Variants in KCNB2 observed in about 807,000 individuals in gnomAD.
KCNB2 encodes delayed rectifier potassium channel protein.
A neutral mutation model predicts 61.5 loss-of-function variants in KCNB2; 15 were observed. The ratio of observed to expected loss-of-function variants is 0.24; its 90% CI spans 0.16 to 0.38. The LOEUF is 0.38. Ranked by LOEUF, KCNB2 falls within the 10% of genes least tolerant of loss-of-function variation. KCNB2 has a pLI of 1.00. For missense variants in KCNB2, 828 were observed against 1,125.2 expected (o/e 0.74, Z 3.78); for synonymous variants, 457 against 446.0 (o/e 1.02, Z -0.31).
chr8:72,871,426 A>ATATCAAAT (rs1298056440), intron 2 of KCNB2, among the ~76,000 whole-genome samples: 1 of 152,246 alleles, frequency 6.6e-6, no homozygotes, highest in Non-Finnish European at 1.5e-5. Context: ...CTAGAAAATA[A>ATATCAAAT]TATCAAATTT....
At chr8:72,593,900 A>AT (rs199834201) in intron 2 of KCNB2, among the ~76,000 whole-genome samples, 2,642 of 151,496 alleles carry the variant, frequency 0.017, 61 homozygotes, top group African/African-American at 0.061. Context: ...AGAACATTTG[A>AT]TTTTTTTTTC....
At chr8:72,715,529 A>G (rs1445062562) in intron 2 of KCNB2, among the ~76,000 whole-genome samples, 6 of 152,332 alleles carry the variant, frequency 3.9e-5, no homozygotes, top group Admixed American at 2.0e-4. Context: ...GCTCAACTAC[A>G]TGGAAACTGA....
At chr8:72,819,615 G>A (rs1409400390) in intron 2 of KCNB2, among the ~76,000 whole-genome samples, 1 of 152,146 alleles carries the variant, frequency 6.6e-6, no homozygotes, top group African/African-American at 2.4e-5. Flanking sequence ...AGGATGCTGA[G>A]AGAATTCTAT....
At chr8:72,682,952 C>T (rs976536730) in intron 2 of KCNB2, among the ~76,000 whole-genome samples, 1 of 152,156 alleles carries the variant, frequency 6.6e-6, no homozygotes, top group African/African-American at 2.4e-5. Context: ...GATAAAATAA[C>T]ATCATTGAGA....
intron 2 of KCNB2, among the ~76,000 whole-genome samples, chr8:72,736,852 T>A (rs2128994060): frequency 6.6e-6 from 1 of 152,256 alleles, no homozygotes; most frequent in Non-Finnish European, 1.5e-5. Context: ...GCTGAGAAAT[T>A]TAATATTATT....
At chr8:72,548,876 A>G (rs1332810217) in intron 1 of KCNB2, among the ~76,000 whole-genome samples, 1 of 152,182 alleles carries the variant, frequency 6.6e-6, no homozygotes, top group Non-Finnish European at 1.5e-5. Flanking sequence ...TTCATCTCAA[A>G]AATAGGCTTG....
intron 2 of KCNB2, among the ~76,000 whole-genome samples, chr8:72,713,311 A>T (rs995783042): frequency 2.0e-5 from 3 of 152,188 alleles, no homozygotes; most frequent in Non-Finnish European, 4.4e-5. Context: ...TGAAGAGAAT[A>T]GTGGTTCTCC....
intron 2 of KCNB2, among the ~76,000 whole-genome samples, chr8:72,578,769 G>GA (rs1182463169): frequency 4.6e-5 from 7 of 151,814 alleles, no homozygotes; most frequent in South Asian, 2.1e-4. Context: ...TATTATAATT[G>GA]AAAAAAAACT....
chr8:72,569,091 T>A (rs1036689065), intron 2 of KCNB2, among the ~76,000 whole-genome samples: 1 of 152,180 alleles, frequency 6.6e-6, no homozygotes, highest in African/African-American at 2.4e-5. Context: ...ATTCTGTTTG[T>A]CTAATTTTAT....
At chr8:72,708,431 T>C (rs1360950585) in intron 2 of KCNB2, among the ~76,000 whole-genome samples, 2 of 152,198 alleles carry the variant, frequency 1.3e-5, no homozygotes, top group Non-Finnish European at 2.9e-5. Flanking sequence ...AAATGACTTA[T>C]CCTAGTACAA....
At chr8:72,761,823 T>C (rs1808386231) in intron 2 of KCNB2, among the ~76,000 whole-genome samples, 2 of 152,178 alleles carry the variant, frequency 1.3e-5, no homozygotes, top group Admixed American at 1.3e-4. Flanking sequence ...TTCTAATATC[T>C]CCACTGCTGA....
intron 2 of KCNB2, chr8:72,619,366 C>T (rs924074016): frequency 9.2e-6 from 5 of 544,200 alleles, no homozygotes; most frequent in Non-Finnish European, 1.8e-5. Context: ...GATTTATATT[C>T]ACTTGCTTTC....
intron 2 of KCNB2, among the ~76,000 whole-genome samples, chr8:72,743,836 A>G (rs2253318): frequency 0.68 from 102,889 of 151,980 alleles, 35,693 homozygotes; most frequent in African/African-American, 0.82. Flanking sequence ...AATCCTACTA[A>G]AACTTTGCCC....
chr8:72,596,842 A>C (rs921103148), intron 2 of KCNB2, among the ~76,000 whole-genome samples: 1 of 152,016 alleles, frequency 6.6e-6, no homozygotes, highest in African/African-American at 2.4e-5. Flanking sequence ...TATCACATGC[A>C]TGATGCCAAA....
intron 2 of KCNB2, among the ~76,000 whole-genome samples, chr8:72,781,455 C>T (rs780971179): frequency 2.6e-5 from 4 of 152,154 alleles, no homozygotes; most frequent in Non-Finnish European, 5.9e-5. Flanking sequence ...CTCCCAGCAC[C>T]ATTTATTAAA....
intron 2 of KCNB2, among the ~76,000 whole-genome samples, chr8:72,658,701 T>C (rs1311396725): frequency 1.3e-5 from 2 of 152,160 alleles, no homozygotes; most frequent in Non-Finnish European, 2.9e-5. Context: ...GGGGTTAATA[T>C]AGCTGGTGAC....
intron 2 of KCNB2, among the ~76,000 whole-genome samples, chr8:72,729,808 G>A (rs989566065): frequency 6.6e-5 from 10 of 151,958 alleles, no homozygotes; most frequent in Non-Finnish European, 1.3e-4. Flanking sequence ...GCTTGAACCC[G>A]GGAGGCGGGG....
intron 2 of KCNB2, chr8:72,751,494 A>C (rs151093116): frequency 6.6e-6 from 1 of 152,182 alleles, no homozygotes; most frequent in Non-Finnish European, 1.5e-5. Flanking sequence ...CCTCTTCCCT[A>C]TACTGCGTCT....
At chr8:72,551,500 T>C (rs567376484) in intron 1 of KCNB2, among the ~76,000 whole-genome samples, 1 of 152,264 alleles carries the variant, frequency 6.6e-6, no homozygotes, top group East Asian at 1.9e-4. Context: ...TCATCTGAAG[T>C]GCCCTGGGCT....
Sources: allele counts gnomAD v4.1 joint callset (sites outside exome capture counted in the v4.1 genomes callset), GRCh38; gene constraint gnomAD v4.1.1; transcripts MANE v1.5; gene names NCBI Gene and HGNC (gene_info 2026-07-23, HGNC 2026-07-21).